Variants in MAF observed in about 807,000 individuals in gnomAD.
MAF encodes transcription factor Maf.
In MAF, 10 loss-of-function variants were observed where a neutral mutation model predicts 22.0. That is an observed-to-expected ratio of 0.45 (90% CI 0.28 to 0.77). The LOEUF (loss-of-function observed/expected upper bound fraction) is 0.77, where lower values mean the gene tolerates loss of function less well. Ranked by LOEUF, MAF falls within the 30% of genes least tolerant of loss-of-function variation. MAF has a pLI of 0.12. For missense variants in MAF, 544 were observed against 548.4 expected, an observed-to-expected ratio of 0.99 and a Z score of 0.08; for synonymous variants, 337 against 255.8, an observed-to-expected ratio of 1.32 and a Z score of -3.03.
At chr16:79,332,987 C>T in the MAF span, among the ~76,000 whole-genome samples, 2 of 152,206 alleles carry the variant, frequency 1.3e-5, no homozygotes, top group Non-Finnish European at 1.5e-5. Context: ...CCCCTGTCTC[C>T]GGGCCACTGG....
the MAF span, among the ~76,000 whole-genome samples, chr16:79,210,079 G>C: frequency 6.6e-6 from 1 of 152,198 alleles, no homozygotes; most frequent in South Asian, 2.1e-4. Context: ...AACTTGTCCA[G>C]TATCATCAAG....
chr16:79,305,922 A>C, the MAF span, among the ~76,000 whole-genome samples: 1 of 152,300 alleles, frequency 6.6e-6, no homozygotes, highest in South Asian at 2.1e-4. Flanking sequence ...CTGCCACCCA[A>C]GTCCTGGCTT....
the MAF span, among the ~76,000 whole-genome samples, chr16:79,331,985 C>T: frequency 7.7e-4 from 118 of 152,292 alleles, no homozygotes; most frequent in African/African-American, 2.5e-3. Flanking sequence ...TTTCCATAGA[C>T]GTAAAAGTTA....
the MAF span, among the ~76,000 whole-genome samples, chr16:79,434,898 A>G: frequency 2.0e-5 from 3 of 152,154 alleles, no homozygotes; most frequent in Admixed American, 6.5e-5. Context: ...GAGGTACTGG[A>G]TGCTTCATTA....
chr16:79,257,155 T>C, the MAF span, among the ~76,000 whole-genome samples: 1 of 151,896 alleles, frequency 6.6e-6, no homozygotes, highest in Non-Finnish European at 1.5e-5. Flanking sequence ...CCAGCCTGGG[T>C]GACACAGCGA....
At chr16:79,413,062 C>T in the MAF span, among the ~76,000 whole-genome samples, 2 of 152,038 alleles carry the variant, frequency 1.3e-5, no homozygotes, top group African/African-American at 4.8e-5. Flanking sequence ...TATTGCCAGC[C>T]CCAAGAAGCC....
chr16:79,398,952 G>T, the MAF span, among the ~76,000 whole-genome samples: 146 of 152,314 alleles, frequency 9.6e-4, 1 homozygote, highest in Non-Finnish European at 1.8e-3. Flanking sequence ...ATTGCCTGCA[G>T]TGTTGTCCAT....
At chr16:79,401,725 G>A in the MAF span, among the ~76,000 whole-genome samples, 27 of 152,228 alleles carry the variant, frequency 1.8e-4, no homozygotes, top group South Asian at 2.1e-4. Context: ...CGCAGAATAC[G>A]GAGACCAGAA....
At chr16:79,376,356 T>C in the MAF span, among the ~76,000 whole-genome samples, 8 of 152,084 alleles carry the variant, frequency 5.3e-5, no homozygotes, top group African/African-American at 1.9e-4. Flanking sequence ...CTTTAATAAA[T>C]GGAGTTTCAT....
chr16:79,246,811 T>G, the MAF span, among the ~76,000 whole-genome samples: 6 of 151,572 alleles, frequency 4.0e-5, no homozygotes, highest in Admixed American at 2.0e-4. Flanking sequence ...AGTTGGAAAT[T>G]GTTTGTGTCC....
chr16:79,309,117 AG>A, the MAF span, among the ~76,000 whole-genome samples: 1 of 152,174 alleles, frequency 6.6e-6, no homozygotes, highest in African/African-American at 2.4e-5. Flanking sequence ...AGCAGTGCAA[AG>A]TCAGTGTTCC....
At chr16:79,339,164 G>T in the MAF span, among the ~76,000 whole-genome samples, 2 of 152,112 alleles carry the variant, frequency 1.3e-5, no homozygotes, top group Non-Finnish European at 2.9e-5. Flanking sequence ...CCGCCTCCCG[G>T]GTTCACGCCA....
the MAF span, among the ~76,000 whole-genome samples, chr16:79,207,757 C>T: frequency 6.6e-6 from 1 of 151,530 alleles, no homozygotes; most frequent in Admixed American, 6.6e-5. Flanking sequence ...AGAGTACTAA[C>T]CAATGCATTA....
At chr16:79,253,561 C>T in the MAF span, among the ~76,000 whole-genome samples, 10 of 152,050 alleles carry the variant, frequency 6.6e-5, no homozygotes, top group African/African-American at 2.2e-4. Flanking sequence ...TAAGGGCCTC[C>T]GGGGCAGGTG....
At chr16:79,441,351 G>C in the MAF span, among the ~76,000 whole-genome samples, 1 of 152,224 alleles carries the variant, frequency 6.6e-6, no homozygotes. Context: ...TGGGGAAAGA[G>C]AAGGTATAGA....
the MAF span, among the ~76,000 whole-genome samples, chr16:79,310,876 T>G: frequency 2.0e-5 from 3 of 152,190 alleles, no homozygotes; most frequent in African/African-American, 7.2e-5. Flanking sequence ...ATTATTGAAG[T>G]TGGTACCAAG....
the MAF span, among the ~76,000 whole-genome samples, chr16:79,522,573 C>G: frequency 1.3e-5 from 2 of 152,220 alleles, no homozygotes; most frequent in Non-Finnish European, 2.9e-5. Flanking sequence ...TTTGCCCCTG[C>G]TCTTTGGGAG....
the MAF span, among the ~76,000 whole-genome samples, chr16:79,402,994 G>A: frequency 2.0e-5 from 3 of 152,146 alleles, no homozygotes; most frequent in Non-Finnish European, 4.4e-5. Context: ...CATGGAGAGG[G>A]GCTGGGCCCT....
chr16:79,387,716 A>C, the MAF span, among the ~76,000 whole-genome samples: 1 of 152,252 alleles, frequency 6.6e-6, no homozygotes, highest in Non-Finnish European at 1.5e-5. Flanking sequence ...TCTAATGTTT[A>C]TATTGAGAAT....
Sources: allele counts gnomAD v4.1 joint callset (sites outside exome capture counted in the v4.1 genomes callset), GRCh38; gene constraint gnomAD v4.1.1; transcripts MANE v1.5; gene names NCBI Gene and HGNC (gene_info 2026-07-23, HGNC 2026-07-21).